The following IQCB1 variants were observed in gnomAD, a reference collection of about 807,000 sequenced individuals.
The protein encoded by IQCB1 is IQ motif containing B1.
Under a neutral mutation model 84.4 loss-of-function variants are expected in IQCB1, and 56 were observed. The ratio of observed to expected loss-of-function variants is 0.66; its 90% confidence interval spans 0.54 to 0.83. IQCB1 has a LOEUF of 0.83. IQCB1 is among the 40% of genes least tolerant of loss of function. IQCB1 has a pLI of 0.00. For missense variants in IQCB1, 629 were observed against 682.1 expected, an observed-to-expected ratio of 0.92 and a Z score of 0.87; for synonymous variants, 210 against 234.8, an observed-to-expected ratio of 0.89 and a Z score of 0.96.
In IQCB1 at chr3:121,829,532, G is replaced by A. The variant is rs530947501; in HGVS notation, c.-12-560C>T. On this transcript the variant is annotated intron_variant, in intron 2 of 14. Coordinates refer to ENST00000310864, the MANE Select transcript of IQCB1 (RefSeq NM_001023570.4). ...TCCTTCCAGGAGTCTTAGAATTCTG[G>A]TACATGCCAGTCGAGAGTACCTATA... Among the ~76,000 whole-genome samples the A allele has an allele frequency of 1.8e-4, 28 of 152,272 alleles. No homozygotes were observed. In the South Asian group the frequency reaches 5.6e-3, roughly 30 times the overall value.
intron 7 of IQCB1, among the ~76,000 whole-genome samples, chr3:121,804,695 T>C (rs1466669615): frequency 6.6e-6 from 1 of 152,160 alleles, no homozygotes; most frequent in Non-Finnish European, 1.5e-5. Context: ...CAATGTGGAA[T>C]TTTCTTCATA....
At chr3:121,820,971 GT>G (rs1249238627) in intron 5 of IQCB1, among the ~76,000 whole-genome samples, 39 of 86,696 alleles carry the variant, frequency 4.5e-4, no homozygotes, top group Non-Finnish European at 7.2e-5. Context: ...AACTTTTTCT[GT>G]TTTTTCCTTT....
intron 3 of IQCB1, 41 bp from the exon 4 acceptor site, chr3:121,828,673 T>C: frequency 7.2e-7 from 1 of 1,395,584 alleles, no homozygotes; most frequent in South Asian, 1.2e-5. Context: ...TTTTGCTTAA[T>C]ACATCCAGGA....
At chr3:121,772,816 A>ACTTTCG in intron 13 of IQCB1, 103 bp from the exon 14 acceptor site, 1 of 987,298 alleles carries the variant, frequency 1.0e-6, no homozygotes, top group South Asian at 1.3e-5. Flanking sequence ...CTCTCATTTT[A>ACTTTCG]TCAATTGAAT....
intron 7 of IQCB1, among the ~76,000 whole-genome samples, chr3:121,801,746 GC>G (rs1949414999): frequency 6.8e-6 from 1 of 147,596 alleles, no homozygotes; most frequent in Non-Finnish European, 1.5e-5. Context: ...ATCATTCTAT[GC>G]CCAGGAAACC....
chr3:121,825,250 G>T (rs1456463222), intron 5 of IQCB1, among the ~76,000 whole-genome samples: 1 of 151,936 alleles, frequency 6.6e-6, no homozygotes, highest in Admixed American at 6.6e-5. Context: ...AGTAGAGACA[G>T]GGTTTCTCCA....
At chr3:121,827,670 A>C (rs1950506696) in intron 4 of IQCB1, among the ~76,000 whole-genome samples, 1 of 152,234 alleles carries the variant, frequency 6.6e-6, no homozygotes, top group Admixed American at 6.5e-5. Flanking sequence ...GTGTGCTTTA[A>C]ATTTGGCCTT....
At chr3:121,829,982 G>A (rs959228467) in intron 2 of IQCB1, among the ~76,000 whole-genome samples, 1 of 152,150 alleles carries the variant, frequency 6.6e-6, no homozygotes, top group Non-Finnish European at 1.5e-5. Context: ...CAAGGTGGGT[G>A]AATCACTTGC....
Position 121,788,276 on chromosome 3 carries a change from A to C in IQCB1, c.1278+8T>G. ...GATTCAGAGCTCTTTTCACTACATT[A>C]GACTCACTGCTCTTTGAAGTGTGAC... On this transcript the variant is annotated splice_region_variant and intron_variant, in intron 12 of 14. Transcript: ENST00000310864. The C allele has an allele frequency of 6.2e-7, 1 of 1,613,558 alleles. No homozygotes were observed. The highest frequency in any genetic ancestry group is 2.2e-5 in the East Asian group (1 of 44,840).
intron 5 of IQCB1, among the ~76,000 whole-genome samples, chr3:121,820,057 T>A (rs915004963): frequency 6.6e-6 from 1 of 152,110 alleles, no homozygotes; most frequent in Non-Finnish European, 1.5e-5. Flanking sequence ...CAAACACACT[T>A]AAGTTTCCTA....
intron 7 of IQCB1, among the ~76,000 whole-genome samples, chr3:121,804,486 A>G (rs1446646780): frequency 6.6e-6 from 1 of 152,060 alleles, no homozygotes; most frequent in African/African-American, 2.4e-5. Flanking sequence ...GCTTTTGAAT[A>G]TATTTCTGCT....
chr3:121,809,289 C>T (rs1949731950), intron 5 of IQCB1, among the ~76,000 whole-genome samples: 1 of 151,928 alleles, frequency 6.6e-6, no homozygotes, highest in African/African-American at 2.4e-5. Context: ...TTAATACTTG[C>T]TATGCATCAG....
chr3:121,791,585 G>C (rs2108551743), intron 10 of IQCB1, among the ~76,000 whole-genome samples: 1 of 152,294 alleles, frequency 6.6e-6, no homozygotes, highest in African/African-American at 2.4e-5. Flanking sequence ...AGTGTCTCTT[G>C]CTCTTTGTGA....
intron 5 of IQCB1, among the ~76,000 whole-genome samples, chr3:121,818,540 C>T (rs1388856421): frequency 1.3e-5 from 2 of 152,050 alleles, no homozygotes; most frequent in Non-Finnish European, 2.9e-5. Context: ...CAAGGTAGTA[C>T]TAAAGACATG....
chr3:121,816,851 C>T lies in IQCB1; in HGVS notation c.394-7842G>A, dbSNP rs540839072. ...TCAACCACTGTGGAAGACAGTGTGG[C>T]GACTGCTCAAGGATCTAGAATCAGA... On this transcript the variant is annotated intron_variant, in intron 5 of 14. Coordinates refer to ENST00000310864, the MANE Select transcript of IQCB1 (RefSeq NM_001023570.4). Among the ~76,000 whole-genome samples the T allele has an allele frequency of 1.1e-3, 160 of 152,238 alleles. 2 individuals carry two copies. Among genetic ancestry groups the T allele is most frequent in the African/African-American group, 4.1e-4 (17 of 41,540 alleles).
intron 12 of IQCB1, among the ~76,000 whole-genome samples, chr3:121,787,950 A>C (rs1220724302): frequency 2.0e-5 from 3 of 152,154 alleles, no homozygotes; most frequent in African/African-American, 7.2e-5. Context: ...GTAAACATCT[A>C]TTCATACATC....
At chr3:121,817,130 CCA>C (rs879473924) in intron 5 of IQCB1, among the ~76,000 whole-genome samples, 39 of 152,040 alleles carry the variant, frequency 2.6e-4, no homozygotes, top group Admixed American at 9.2e-4. Flanking sequence ...AAGGTGGAAA[CCA>C]TCATTCTCAG....
chr3:121,828,766 T>C (rs754615021), intron 3 of IQCB1, 95 bp downstream of exon 3: 8 of 1,017,674 alleles, frequency 7.9e-6, no homozygotes, highest in Non-Finnish European at 1.2e-5. Context: ...TGTTAAGACC[T>C]CTCTGAACAA....
intron 13 of IQCB1, among the ~76,000 whole-genome samples, chr3:121,778,377 T>G (rs1382162647): frequency 1.3e-5 from 2 of 150,358 alleles, no homozygotes; most frequent in Admixed American, 1.3e-4. Flanking sequence ...AATATAGGCA[T>G]GTAAATGTGC....
Sources: gnomAD v4.1 joint callset for allele counts (sites outside exome capture counted in the v4.1 genomes callset) on GRCh38, gnomAD v4.1.1 for gene constraint, MANE v1.5 for transcripts, NCBI Gene and HGNC (gene_info 2026-07-23, HGNC 2026-07-21) for gene names.